DRC11: variants seen among roughly 807,000 people sequenced by gnomAD.
DRC11 encodes IQ and AAA domain-containing protein 1.
At chr2:236,351,337 A>G in the DRC11 span, among the ~76,000 whole-genome samples, 2 of 152,086 alleles carry the variant, frequency 1.3e-5, no homozygotes, top group Non-Finnish European at 2.9e-5. This position sits in a 1 kb window ranked among gnomAD's most constrained non-coding sequence, Gnocchi z 7.3. Context: ...GGAACCAGGA[A>G]CGGAGACCGC....
chr2:236,507,433 A>G, the DRC11 span: 1 of 696,082 alleles, frequency 1.4e-6, no homozygotes, highest in Non-Finnish European at 2.5e-6. Flanking sequence ...TGCTTCGGGC[A>G]GGAAAAGGTG....
chr2:236,455,322 C>T, the DRC11 span, among the ~76,000 whole-genome samples: 1 of 152,356 alleles, frequency 6.6e-6, no homozygotes, highest in Admixed American at 6.5e-5. This position sits in a 1 kb window ranked among gnomAD's most constrained non-coding sequence, Gnocchi z 5.7. Flanking sequence ...AGCCACTGAG[C>T]ATGTCTAAGC....
chr2:236,459,274 A>G, the DRC11 span, among the ~76,000 whole-genome samples: 5 of 152,102 alleles, frequency 3.3e-5, no homozygotes, highest in Non-Finnish European at 7.4e-5. Context: ...AAATTAAAAG[A>G]TGACTGAGAA....
the DRC11 span, chr2:236,331,266 G>A: frequency 3.2e-6 from 3 of 928,712 alleles, no homozygotes; most frequent in African/African-American, 3.3e-5. The surrounding 1 kb of genome is among the most constrained non-coding windows in gnomAD (Gnocchi z 4.8). Context: ...ATATGGCCGA[G>A]TTCCAATTCA....
At chr2:236,445,302 G>A in the DRC11 span, among the ~76,000 whole-genome samples, 1 of 151,880 alleles carries the variant, frequency 6.6e-6, no homozygotes, top group Admixed American at 6.6e-5. This position sits in a 1 kb window ranked among gnomAD's most constrained non-coding sequence, Gnocchi z 4.8. Flanking sequence ...CATTATCATG[G>A]TGCTTTTGGC....
the DRC11 span, among the ~76,000 whole-genome samples, chr2:236,449,577 T>C: frequency 1.3e-5 from 2 of 152,196 alleles, no homozygotes; most frequent in African/African-American, 4.8e-5. This position sits in a 1 kb window ranked among gnomAD's most constrained non-coding sequence, Gnocchi z 5.1. Flanking sequence ...TCGGAGGCTG[T>C]GTGCCTGCCT....
the DRC11 span, among the ~76,000 whole-genome samples, chr2:236,328,358 T>A: frequency 6.6e-6 from 1 of 152,076 alleles, no homozygotes; most frequent in African/African-American, 2.4e-5. The surrounding 1 kb of genome is among the most constrained non-coding windows in gnomAD (Gnocchi z 6.7). Context: ...TCTGGGACCA[T>A]GGAGGTAGTA....
chr2:236,493,794 C>A, the DRC11 span: 1 of 1,605,370 alleles, frequency 6.2e-7, no homozygotes, highest in Non-Finnish European at 8.5e-7. Flanking sequence ...ATTCCGCTGT[C>A]CGCTAATATT....
chr2:236,447,641 C>T, the DRC11 span, among the ~76,000 whole-genome samples: 1 of 152,340 alleles, frequency 6.6e-6, no homozygotes, highest in African/African-American at 2.4e-5. This position sits in a 1 kb window ranked among gnomAD's most constrained non-coding sequence, Gnocchi z 4.6. Flanking sequence ...ATCCACTTCC[C>T]GCACTTTGTG....
At chr2:236,453,088 T>C in the DRC11 span, among the ~76,000 whole-genome samples, 1 of 152,218 alleles carries the variant, frequency 6.6e-6, no homozygotes, top group Non-Finnish European at 1.5e-5. The surrounding 1 kb of genome is among the most constrained non-coding windows in gnomAD (Gnocchi z 4.9). Context: ...GTTCAAAACC[T>C]GCGCCATCAT....
chr2:236,411,894 T>G, the DRC11 span, among the ~76,000 whole-genome samples: 3 of 104,732 alleles, frequency 2.9e-5, no homozygotes, highest in East Asian at 3.3e-4. Flanking sequence ...TGGGGACTGT[T>G]GTGGGGTGGG....
the DRC11 span, among the ~76,000 whole-genome samples, chr2:236,482,631 T>C: frequency 6.6e-6 from 1 of 152,212 alleles, no homozygotes; most frequent in Non-Finnish European, 1.5e-5. The surrounding 1 kb of genome is among the most constrained non-coding windows in gnomAD (Gnocchi z 4.5). Flanking sequence ...TTTCATAGTT[T>C]AGCATATCTG....
the DRC11 span, among the ~76,000 whole-genome samples, chr2:236,341,041 G>A: frequency 3.3e-5 from 5 of 152,146 alleles, no homozygotes; most frequent in Non-Finnish European, 7.4e-5. Flanking sequence ...CGCCCCTACC[G>A]CGGGGCCTGC....
chr2:236,408,384 C>A, the DRC11 span: 2 of 748,236 alleles, frequency 2.7e-6, no homozygotes, highest in African/African-American at 3.4e-5. This position sits in a 1 kb window ranked among gnomAD's most constrained non-coding sequence, Gnocchi z 5.5. Context: ...GACTTGTGAC[C>A]CCTTTGTAGT....
chr2:236,349,793 C>T, the DRC11 span, among the ~76,000 whole-genome samples: 43 of 152,200 alleles, frequency 2.8e-4, no homozygotes, highest in Middle Eastern at 3.4e-3. This position sits in a 1 kb window ranked among gnomAD's most constrained non-coding sequence, Gnocchi z 5.5. Context: ...AATGCCTGGG[C>T]GATGAAATAA....
At chr2:236,467,927 A>G in the DRC11 span, among the ~76,000 whole-genome samples, 15 of 152,180 alleles carry the variant, frequency 9.9e-5, no homozygotes, top group Non-Finnish European at 1.9e-4. Flanking sequence ...GAACCTCTGG[A>G]GGTGGAAGGG....
chr2:236,437,907 G>A, the DRC11 span, among the ~76,000 whole-genome samples: 7 of 142,308 alleles, frequency 4.9e-5, no homozygotes, highest in Admixed American at 1.4e-4. Context: ...GTTCACTCTG[G>A]TGGTAGTTTC....
chr2:236,339,591 C>T, the DRC11 span, among the ~76,000 whole-genome samples: 5 of 152,202 alleles, frequency 3.3e-5, no homozygotes, highest in African/African-American at 7.2e-5. Context: ...TTGTATATGG[C>T]GTGAGGTAAG....
the DRC11 span, among the ~76,000 whole-genome samples, chr2:236,389,567 C>T: frequency 6.6e-6 from 1 of 152,210 alleles, no homozygotes; most frequent in African/African-American, 2.4e-5. Context: ...CTGTCTGGCA[C>T]TCCCTAGTGA....
Sources: gnomAD v4.1 joint callset for allele counts (sites outside exome capture counted in the v4.1 genomes callset) on GRCh38, gnomAD v4.1.1 for gene constraint, Gnocchi (gnomAD v3.1) non-coding constraint, MANE v1.5 for transcripts, NCBI Gene and HGNC (gene_info 2026-07-23, HGNC 2026-07-21) for gene names.